MAN2A1: variants seen among roughly 807,000 people sequenced by gnomAD.
MAN2A1 encodes mannosidase alpha class 2A member 1, also known as alpha-mannosidase 2.
A neutral mutation model predicts 142.6 loss-of-function variants in MAN2A1; 76 were observed. The observed-to-expected ratio is 0.53, with a 90% CI of 0.44 to 0.65. The LOEUF is 0.65. Among genes scored for constraint, MAN2A1 ranks in the 30% least tolerant of loss-of-function variants. MAN2A1 has a pLI of 0.00. For missense variants in MAN2A1, 1,311 were observed against 1,365.1 expected (o/e 0.96, Z 0.62); for synonymous variants, 559 against 473.2 (o/e 1.18, Z -2.35).
At position 109,831,805 on chromosome 5, in the gene MAN2A1, ATG is replaced by A. The variant is rs55738132; in HGVS notation, c.2566+7994_2566+7995del. Among the ~76,000 whole-genome samples, 2,362 of 144,582 alleles carry A rather than the reference ATG, an allele frequency of 0.016. 156 individuals carry two copies. The East Asian group carries it at 0.24, about 15-fold the overall frequency. 94.9% of individuals were successfully genotyped at this position (144,582 alleles called of 152,430 possible). A position where few individuals can be genotyped will look rare whatever the true frequency, so the allele number is the denominator to read the frequency against. On this transcript the variant is annotated intron_variant, in intron 16 of 21. Coordinates refer to ENST00000261483, the MANE Select transcript of MAN2A1 (RefSeq NM_002372.4). ...TCATTACTTCTCTAAAACAAAAATC[ATG>A]TGTGTGTGTGTGTGTGTGTGTGTGT...
At chr5:109,797,261 TAAAA>T (rs202001986) in intron 12 of MAN2A1, among the ~76,000 whole-genome samples, 1 of 151,762 alleles carries the variant, frequency 6.6e-6, no homozygotes, top group Non-Finnish European at 1.5e-5. Flanking sequence ...AAAATTTTTT[TAAAA>T]AAAGAGGACC....
rs139565358 is a variant in MAN2A1, at chr5:109,703,271, A to G, written c.136-10249A>G. 1.4e-4 allele frequency among the ~76,000 whole-genome samples: 21 copies of G among 152,382 alleles called. No individual in the cohort carries two copies. The East Asian group carries it at 3.7e-3, about 27-fold the overall frequency. On this transcript the variant is annotated intron_variant, in intron 1 of 21. Transcript: ENST00000261483. ...AGATGTTGACAGAACTTTTGTTAGC[A>G]TATCCTAACATGCAATACATGGCAT...
rs73781637 is a variant in MAN2A1 at position 109,756,893 on chromosome 5, A to G, written c.835+1437A>G. 6.4e-3 allele frequency among the ~76,000 whole-genome samples: 968 copies of G among 152,272 alleles called. 15 individuals are homozygous for G. The highest frequency in any genetic ancestry group is 0.022 in the African/African-American group (903 of 41,538). ...CCTTCTGGGAGTCTGAATTCTTAGT[A>G]TGTGCTGAACAGAGGGTGCCTACAT... On this transcript the variant is annotated intron_variant, in intron 5 of 21. Transcript: ENST00000261483.
chr5:109,816,542 C>G (rs779873490), intron 12 of MAN2A1, among the ~76,000 whole-genome samples: 1 of 151,910 alleles, frequency 6.6e-6, no homozygotes, highest in Non-Finnish European at 1.5e-5. Context: ...ATAATAAAGT[C>G]CCATTGTATA....
At chr5:109,832,815 C>CT (rs1260747378) in intron 16 of MAN2A1, among the ~76,000 whole-genome samples, 1 of 151,928 alleles carries the variant, frequency 6.6e-6, no homozygotes, top group African/African-American at 2.4e-5. Flanking sequence ...TGGGTGGGGG[C>CT]TGTCCCCCAC....
intron 16 of MAN2A1, among the ~76,000 whole-genome samples, chr5:109,837,239 T>C (rs1755080415): frequency 6.6e-6 from 1 of 151,658 alleles, no homozygotes; most frequent in Non-Finnish European, 1.5e-5. Flanking sequence ...ATTACTTTCT[T>C]GGCTTCTAAG....
At chr5:109,823,876 A>G (rs756918801) in intron 16 of MAN2A1, 39 bp downstream of exon 16, 21 of 992,376 alleles carry the variant, frequency 2.1e-5, no homozygotes, top group Non-Finnish European at 3.0e-5. Flanking sequence ...CATATGTATT[A>G]TGGTTTTTGA....
chr5:109,766,542 C>G (rs562686750), intron 5 of MAN2A1, among the ~76,000 whole-genome samples: 5 of 152,142 alleles, frequency 3.3e-5, no homozygotes, highest in African/African-American at 1.2e-4. Flanking sequence ...TTACAAAGTT[C>G]TAGTTCTCTT....
At chr5:109,767,378 T>G (rs1213543001) in intron 5 of MAN2A1, among the ~76,000 whole-genome samples, 157 bp from the exon 6 acceptor site, 1 of 152,206 alleles carries the variant, frequency 6.6e-6, no homozygotes, top group Non-Finnish European at 1.5e-5. Context: ...CTTCATGATA[T>G]CTTGCTGGGA....
chr5:109,724,299 G>A (rs965088900), intron 3 of MAN2A1, among the ~76,000 whole-genome samples: 2 of 152,092 alleles, frequency 1.3e-5, no homozygotes, highest in Non-Finnish European at 2.9e-5. Context: ...GGGGGAAAGG[G>A]TTGAAAAACT....
At chr5:109,860,608 A>G (rs559710763) in intron 20 of MAN2A1, among the ~76,000 whole-genome samples, 3 of 152,302 alleles carry the variant, frequency 2.0e-5, no homozygotes, top group South Asian at 2.1e-4. Context: ...AATGTTTACT[A>G]CAGTTTCCAA....
rs188981241 is a variant in MAN2A1 at position 109,833,272 on chromosome 5, G to A, written c.2567-9056G>A. ...TCCTCGCTTCCCAGACAGGGTGGCG[G>A]CCGGGCAGAGGCTGCAATCTCGGCA... is the stretch of plus-strand genomic sequence containing the variant. On this transcript the variant is annotated intron_variant, in intron 16 of 21. Transcript: ENST00000261483. Among the ~76,000 whole-genome samples the A allele has an allele frequency of 5.8e-4, 88 of 152,266 alleles. No individual in the cohort carries two copies. In the Middle Eastern group the frequency reaches 0.02, roughly 35 times the overall value.
intron 10 of MAN2A1, among the ~76,000 whole-genome samples, chr5:109,787,388 G>A (rs55652015): frequency 0.084 from 12,793 of 151,848 alleles, 643 homozygotes; most frequent in African/African-American, 0.15. Context: ...ACCGTATTCC[G>A]TATTAATAGG....
At position 109,745,274 on chromosome 5, in the gene MAN2A1, A is replaced by G. The variant is rs148329354; in HGVS notation, c.708-10055A>G. ...AAAATATTTTAGAAAATGTAATACAATATAAACATACAATACAATAAATAC... is the reference window on the plus strand; with the variant it reads ...AAAATATTTTAGAAAATGTAATACAGTATAAACATACAATACAATAAATAC... On this transcript the variant is annotated intron_variant, in intron 4 of 21. Transcript: ENST00000261483. Among the ~76,000 whole-genome samples the G allele has an allele frequency of 6.0e-3, 918 of 152,332 alleles. 7 individuals are homozygous for G. Among genetic ancestry groups the G allele is most frequent in the Middle Eastern group, 0.01 (3 of 294 alleles).
rs151312666 is a variant in MAN2A1, at chr5:109,804,422, T to A, written c.1944-12851T>A. 36 of 298,498 alleles carry A rather than the reference T, an allele frequency of 1.2e-4. 1 individual carries two copies. In the East Asian group the frequency reaches 5.7e-3, roughly 48 times the overall value. The allele number at this position is 298,498 out of a possible 1,614,324, so 18.5% of individuals were successfully genotyped here. ...TTACTTTTCAAACTGAAACATAGGG[T>A]TTCAGATTTGTTGTAGGTACTTAAT... is the stretch of plus-strand genomic sequence containing the variant. On this transcript the variant is annotated intron_variant, in intron 12 of 21. Transcript: ENST00000261483.
intron 4 of MAN2A1, among the ~76,000 whole-genome samples, chr5:109,736,641 C>T (rs1170017378): frequency 6.6e-6 from 1 of 152,054 alleles, no homozygotes; most frequent in Non-Finnish European, 1.5e-5. Flanking sequence ...AAGAATTTAT[C>T]CCATGTGTAG....
chr5:109,705,497 T>C (rs994982304), intron 1 of MAN2A1, among the ~76,000 whole-genome samples: 1 of 152,128 alleles, frequency 6.6e-6, no homozygotes, highest in Non-Finnish European at 1.5e-5. Flanking sequence ...GGCTCACAGC[T>C]CCTTAGGGTC....
At chr5:109,791,765 G>T (rs989411504) in intron 12 of MAN2A1, among the ~76,000 whole-genome samples, 8 of 151,966 alleles carry the variant, frequency 5.3e-5, no homozygotes, top group African/African-American at 1.9e-4. Flanking sequence ...AATTGTATGT[G>T]GGTGATTAGT....
At chr5:109,737,980 T>C (rs1290655982) in intron 4 of MAN2A1, among the ~76,000 whole-genome samples, 2 of 152,134 alleles carry the variant, frequency 1.3e-5, no homozygotes, top group African/African-American at 4.8e-5. Flanking sequence ...AGGGAGCTGG[T>C]AGATGTTTGA....
Sources: allele counts gnomAD v4.1 joint callset (sites outside exome capture counted in the v4.1 genomes callset), GRCh38; gene constraint gnomAD v4.1.1; transcripts MANE v1.5; gene names NCBI Gene and HGNC (gene_info 2026-07-23, HGNC 2026-07-21).